SLC8A1: variants seen among roughly 807,000 people sequenced by gnomAD.
The protein encoded by SLC8A1 is solute carrier family 8 member A1.
Under a neutral mutation model 68.3 loss-of-function variants are expected in SLC8A1, and 18 were observed. The ratio of observed to expected loss-of-function variants is 0.26; its 90% CI spans 0.18 to 0.39. SLC8A1 has a LOEUF of 0.39. Ranked by LOEUF, SLC8A1 falls within the 10% of genes least tolerant of loss-of-function variation. The pLI is 1.00. For missense variants in SLC8A1, 985 were observed against 1,156.7 expected (o/e 0.85, Z 2.15); for synonymous variants, 475 against 415.5 (o/e 1.14, Z -1.74).
chr2:40,351,308 T>G (rs930182461), intron 2 of SLC8A1, among the ~76,000 whole-genome samples: 5 of 152,170 alleles, frequency 3.3e-5, no homozygotes, highest in African/African-American at 1.2e-4. Context: ...ACATGATTCC[T>G]GACACCTCAC....
chr2:40,238,372 G>A (rs2060722804), intron 2 of SLC8A1, among the ~76,000 whole-genome samples: 1 of 152,206 alleles, frequency 6.6e-6, no homozygotes, highest in South Asian at 2.1e-4. Flanking sequence ...GATTTTCCAG[G>A]TGCTGTCCGT....
intron 2 of SLC8A1, among the ~76,000 whole-genome samples, chr2:40,401,122 G>A (rs1267009015): frequency 1.3e-5 from 2 of 152,122 alleles, no homozygotes; most frequent in South Asian, 4.2e-4. Flanking sequence ...CAGAAATAAG[G>A]GAAAAACCTG....
chr2:40,296,713 G>A (rs1414025453), intron 2 of SLC8A1, among the ~76,000 whole-genome samples: 2 of 152,086 alleles, frequency 1.3e-5, no homozygotes, highest in Non-Finnish European at 1.5e-5. Flanking sequence ...CTCTTGTTAT[G>A]TTTTATTTAT....
At chr2:40,144,925 C>G (rs963796584) in intron 6 of SLC8A1, among the ~76,000 whole-genome samples, 1 of 152,128 alleles carries the variant, frequency 6.6e-6, no homozygotes, top group Non-Finnish European at 1.5e-5. Flanking sequence ...TTTCCTGTGA[C>G]AAGAGCAGTT....
upstream of SLC8A1, among the ~76,000 whole-genome samples, chr2:40,453,937 G>A (rs938074751): frequency 2.0e-5 from 3 of 152,152 alleles, no homozygotes; most frequent in African/African-American, 4.8e-5. Context: ...TGCAGGAATC[G>A]TTCTTGCCTA....
intron 2 of SLC8A1, among the ~76,000 whole-genome samples, chr2:40,276,636 T>C (rs145539678): frequency 5.3e-5 from 8 of 152,204 alleles, no homozygotes; most frequent in African/African-American, 1.4e-4. Flanking sequence ...TTAAGGGAGG[T>C]TGCAGTCAAG....
At chr2:40,381,855 C>T (rs187476825) in intron 2 of SLC8A1, among the ~76,000 whole-genome samples, 2 of 151,836 alleles carry the variant, frequency 1.3e-5, no homozygotes, top group East Asian at 3.9e-4. Context: ...TGACCACCTG[C>T]TTCCTGTTCA....
At chr2:40,356,301 A>G (rs1296364165) in intron 2 of SLC8A1, among the ~76,000 whole-genome samples, 6 of 152,190 alleles carry the variant, frequency 3.9e-5, no homozygotes, top group Non-Finnish European at 5.9e-5. Context: ...ACTGCCACAT[A>G]GGAAGTACTC....
intron 2 of SLC8A1, among the ~76,000 whole-genome samples, chr2:40,407,457 G>C (rs1005297085): frequency 1.3e-5 from 2 of 152,166 alleles, no homozygotes; most frequent in African/African-American, 4.8e-5. Flanking sequence ...TCAAACGTCA[G>C]TGGTTTCTTT....
chr2:40,178,526 G>A (rs1325642721), intron 2 of SLC8A1, 33 bp from the exon 3 acceptor site: 4 of 1,555,558 alleles, frequency 2.6e-6, no homozygotes, highest in Non-Finnish European at 3.5e-6. Flanking sequence ...ACGAACAAGG[G>A]GAAGAGGAAA....
chr2:40,291,981 C>T (rs147341959), intron 2 of SLC8A1, among the ~76,000 whole-genome samples: 20 of 151,198 alleles, frequency 1.3e-4, no homozygotes, highest in Middle Eastern at 3.4e-3. Flanking sequence ...TTATAATCAA[C>T]GTATGTCAGA....
At position 40,357,484 on chromosome 2, in the gene SLC8A1, C is replaced by G. The variant is rs573393066; in HGVS notation, c.1808+70989G>C. Among the ~76,000 whole-genome samples the G allele has an allele frequency of 3.5e-3, 477 of 135,728 alleles. 3 individuals are homozygous for G. Among genetic ancestry groups the G allele is most frequent in the Non-Finnish European group, 6.0e-3 (391 of 64,812 alleles). 89.0% of individuals were successfully genotyped at this position (135,728 alleles called of 152,430 possible). A position where few individuals can be genotyped will look rare whatever the true frequency, so the allele number is the denominator to read the frequency against. On this transcript the variant is annotated intron_variant, in intron 2 of 7. Coordinates refer to ENST00000406785, the Ensembl canonical transcript of SLC8A1. ...TGCATGCCGGCCTGGGCAACAGAGCCAGACCCTGTCTTTAAAAAAAAAAAA... is the reference window on the plus strand; with the variant it reads ...TGCATGCCGGCCTGGGCAACAGAGCGAGACCCTGTCTTTAAAAAAAAAAAA...
intron 2 of SLC8A1, among the ~76,000 whole-genome samples, chr2:40,239,100 T>G (rs1206690947): frequency 1.3e-5 from 2 of 151,900 alleles, no homozygotes; most frequent in African/African-American, 4.8e-5. Context: ...TTAGTAAAGT[T>G]TGCCAACTAG....
chr2:40,467,545 T>A (rs1158229021), intron 1 of SLC8A1, among the ~76,000 whole-genome samples: 1 of 152,270 alleles, frequency 6.6e-6, no homozygotes, highest in Admixed American at 6.5e-5. Context: ...TTATGTTCCT[T>A]CTACAGAATA....
At chr2:40,306,805 C>G (rs1026369467) in intron 2 of SLC8A1, among the ~76,000 whole-genome samples, 9 of 152,126 alleles carry the variant, frequency 5.9e-5, no homozygotes, top group Non-Finnish European at 1.2e-4. Flanking sequence ...AACATTTGTG[C>G]TCCAATTTTC....
At chr2:40,404,290 T>C (rs1559542654) in intron 2 of SLC8A1, among the ~76,000 whole-genome samples, 1 of 152,188 alleles carries the variant, frequency 6.6e-6, no homozygotes. Flanking sequence ...TTTTCTTTAG[T>C]TGTGTATGCC....
At chr2:40,451,267 C>T (rs999081767) in intron 1 of SLC8A1, among the ~76,000 whole-genome samples, 2 of 152,170 alleles carry the variant, frequency 1.3e-5, no homozygotes, top group African/African-American at 2.4e-5. Context: ...ATCCCCAAAG[C>T]ACACCACGGC....
chr2:40,282,975 C>T (rs755444762), intron 2 of SLC8A1, among the ~76,000 whole-genome samples: 3 of 152,108 alleles, frequency 2.0e-5, no homozygotes, highest in Non-Finnish European at 4.4e-5. Flanking sequence ...ATTAAAGGTT[C>T]TTCCTGAAAA....
At chr2:40,490,068 C>G (rs963790846) in intron 1 of SLC8A1, among the ~76,000 whole-genome samples, 1 of 152,074 alleles carries the variant, frequency 6.6e-6, no homozygotes, top group Non-Finnish European at 1.5e-5. Context: ...CTGACAATTT[C>G]AATGACATTA....
Sources: gnomAD v4.1 joint callset for allele counts (sites outside exome capture counted in the v4.1 genomes callset) on GRCh38, gnomAD v4.1.1 for gene constraint, MANE v1.5 for transcripts, NCBI Gene and HGNC (gene_info 2026-07-23, HGNC 2026-07-21) for gene names.